EIF4G3: variants seen among roughly 807,000 people sequenced by gnomAD.
EIF4G3 encodes eIF-4-gamma 3.
Under a neutral mutation model 186.4 loss-of-function variants are expected in EIF4G3, and 34 were observed. The observed-to-expected ratio is 0.18, with a 90% CI of 0.14 to 0.24. The LOEUF is 0.24. Among genes scored for constraint, EIF4G3 ranks in the 10% least tolerant of loss-of-function variants. The probability of loss-of-function intolerance (pLI) is 1.00; values close to 1 mark genes in which losing one functional copy is unlikely to be tolerated. For synonymous variants in EIF4G3, 673 were observed against 679.5 expected (o/e 0.99, Z 0.15); for missense variants, 1,536 against 1,948.5 (o/e 0.79, Z 3.99).
At chr1:21,155,093 T>A (rs1291495419) in intron 2 of EIF4G3, among the ~76,000 whole-genome samples, 2 of 151,600 alleles carry the variant, frequency 1.3e-5, no homozygotes, top group African/African-American at 2.4e-5. Flanking sequence ...AGAAACCCCA[T>A]CTCCACTAAA....
At chr1:20,928,834 GA>G (rs940806400) in intron 14 of EIF4G3, among the ~76,000 whole-genome samples, 3 of 152,062 alleles carry the variant, frequency 2.0e-5, no homozygotes, top group African/African-American at 7.2e-5. Flanking sequence ...TATAACTTTA[GA>G]ATATTTTCAT....
chr1:20,982,463 G>A (rs1278633014), intron 7 of EIF4G3, 55 bp from the exon 8 acceptor site: 4 of 1,447,720 alleles, frequency 2.8e-6, no homozygotes, highest in Admixed American at 2.2e-5. Flanking sequence ...CAATGGAAAA[G>A]CTTACAGATC....
intron 4 of EIF4G3, among the ~76,000 whole-genome samples, chr1:21,047,911 A>G (rs2093987177): frequency 6.6e-6 from 1 of 152,160 alleles, no homozygotes; most frequent in Non-Finnish European, 1.5e-5. Flanking sequence ...AGATGAATCC[A>G]TAGAGGCTTC....
At chr1:21,114,417 C>A (rs2102247741) in intron 2 of EIF4G3, among the ~76,000 whole-genome samples, 1 of 152,324 alleles carries the variant, frequency 6.6e-6, no homozygotes, top group Non-Finnish European at 1.5e-5. Flanking sequence ...GCGTGAGCCA[C>A]CGTGCCCGGC....
intron 3 of EIF4G3, chr1:21,064,653 A>G (rs544006558): frequency 6.6e-6 from 1 of 151,390 alleles, no homozygotes; most frequent in African/African-American, 2.4e-5. Flanking sequence ...TGTCTTGAAT[A>G]AAAAAAAAGA....
At chr1:20,916,655 A>C (rs1274584616) in intron 14 of EIF4G3, among the ~76,000 whole-genome samples, 1 of 152,164 alleles carries the variant, frequency 6.6e-6, no homozygotes, top group East Asian at 1.9e-4. Flanking sequence ...TGGCCAAAAC[A>C]ACTTTGAAAA....
chr1:20,893,493 G>A, intron 18 of EIF4G3, 24 bp downstream of exon 18: 1 of 1,573,740 alleles, frequency 6.4e-7, no homozygotes, highest in Non-Finnish European at 8.7e-7. Context: ...CTAACTAAGT[G>A]AGTTGTAGGG....
intron 34 of EIF4G3, 78 bp downstream of exon 34, chr1:20,817,314 G>T: frequency 1.2e-6 from 1 of 850,332 alleles, no homozygotes; most frequent in Non-Finnish European, 1.7e-6. Context: ...GAAGTGAACT[G>T]ATAGGTAAGC....
intron 2 of EIF4G3, among the ~76,000 whole-genome samples, chr1:21,149,711 T>G (rs1005543381): frequency 1.3e-5 from 2 of 152,204 alleles, no homozygotes; most frequent in African/African-American, 4.8e-5. Context: ...AGATTTTTTA[T>G]ATGGAACAGT....
At chr1:20,879,637 G>A (rs1200362284) in intron 19 of EIF4G3, 117 bp from the exon 20 acceptor site, 9 of 574,294 alleles carry the variant, frequency 1.6e-5, no homozygotes, top group South Asian at 5.3e-5. Context: ...TATTAACAAG[G>A]ACTGTGAACT....
At chr1:20,953,573 TG>T (rs1320326480) in intron 12 of EIF4G3, among the ~76,000 whole-genome samples, 1 of 152,260 alleles carries the variant, frequency 6.6e-6, no homozygotes, top group Non-Finnish European at 1.5e-5. Flanking sequence ...AATCTAAATT[TG>T]TTCTTTAATA....
Position 21,041,430 on chromosome 1 carries a change from C to A in EIF4G3, c.-67+9436G>T, listed in dbSNP as rs141682848. Among the ~76,000 whole-genome samples the A allele has an allele frequency of 9.7e-3, 1,484 of 152,220 alleles. 21 individuals are homozygous for A. The highest frequency in any genetic ancestry group is 0.016 in the Non-Finnish European group (1,085 of 68,012). On this transcript the variant is annotated intron_variant, in intron 4 of 36. Transcript: ENST00000602326. The stretch of plus-strand genomic sequence containing the variant: ...AATCATTCAGCCAGTATAACAAATT[C>A]ATGTATTAAAAATCCTCTCCATTTG...
intron 12 of EIF4G3, among the ~76,000 whole-genome samples, chr1:20,955,491 T>C (rs942333850): frequency 6.6e-6 from 1 of 152,128 alleles, no homozygotes; most frequent in Non-Finnish European, 1.5e-5. Context: ...CGCCTCAGCC[T>C]CCTAAAATGC....
intron 4 of EIF4G3, among the ~76,000 whole-genome samples, chr1:21,036,902 C>T (rs973256624): frequency 6.6e-6 from 1 of 151,982 alleles, no homozygotes; most frequent in African/African-American, 2.4e-5. Context: ...AAAATAAAAG[C>T]TTATTTATGA....
At chr1:21,053,733 C>A (rs1233068624) in intron 3 of EIF4G3, among the ~76,000 whole-genome samples, 9 of 147,106 alleles carry the variant, frequency 6.1e-5, no homozygotes, top group Admixed American at 4.7e-4. Context: ...GGGGTCAGCC[C>A]CCGCCCGGCC....
intron 10 of EIF4G3, among the ~76,000 whole-genome samples, chr1:20,978,801 T>C (rs1389203217): frequency 1.3e-5 from 2 of 151,822 alleles, no homozygotes; most frequent in South Asian, 2.1e-4. Flanking sequence ...CACTTTGAAA[T>C]AGCAGTTTCC....
chr1:20,866,431 A>C (rs1389387382), intron 20 of EIF4G3, among the ~76,000 whole-genome samples: 1 of 152,220 alleles, frequency 6.6e-6, no homozygotes, highest in Non-Finnish European at 1.5e-5. Flanking sequence ...AGCAGGAGAC[A>C]TTATCTTAGG....
intron 24 of EIF4G3, among the ~76,000 whole-genome samples, chr1:20,859,379 T>C (rs749493457): frequency 6.6e-6 from 1 of 152,206 alleles, no homozygotes; most frequent in Non-Finnish European, 1.5e-5. Context: ...GTAAACTTTC[T>C]TCCATGCAGA....
chr1:21,106,064 CTCTT>C (rs1395259853), intron 2 of EIF4G3, among the ~76,000 whole-genome samples: 3 of 149,474 alleles, frequency 2.0e-5, no homozygotes, highest in South Asian at 2.1e-4. Context: ...AAGACCCTGT[CTCTT>C]TTTTTTTTTT....
Sources: allele counts gnomAD v4.1 joint callset (sites outside exome capture counted in the v4.1 genomes callset), GRCh38; gene constraint gnomAD v4.1.1; transcripts MANE v1.5; gene names NCBI Gene and HGNC (gene_info 2026-07-23, HGNC 2026-07-21).